The following MITF variants were observed in gnomAD, a reference collection of about 807,000 sequenced individuals.
The protein encoded by MITF is microphthalmia-associated transcription factor.
In MITF, 17 loss-of-function variants were observed where a neutral mutation model predicts 60.5. The ratio of observed to expected loss-of-function variants is 0.28; its 90% CI spans 0.19 to 0.42. The LOEUF (loss-of-function observed/expected upper bound fraction) is 0.42, where lower values mean the gene tolerates loss of function less well. Among genes scored for constraint, MITF ranks in the 10% least tolerant of loss-of-function variants. MITF has a pLI of 1.00. For synonymous variants in MITF, 260 were observed against 248.5 expected (o/e 1.05, Z -0.43); for missense variants, 622 against 683.5 (o/e 0.91, Z 1.00).
chr3:69,832,829 T>G (rs189147277), intron 1 of MITF, among the ~76,000 whole-genome samples: 1 of 152,262 alleles, frequency 6.6e-6, no homozygotes, highest in Non-Finnish European at 1.5e-5. Flanking sequence ...TGTAATTGTT[T>G]CCTTATGTGC....
At chr3:69,956,415 C>T in intron 7 of MITF, 40 bp from the exon 8 acceptor site, 1 of 1,485,160 alleles carries the variant, frequency 6.7e-7, no homozygotes. Context: ...GCATACATGG[C>T]ACTGTTACTA....
At chr3:69,781,938 C>G (rs1222620000) in intron 1 of MITF, among the ~76,000 whole-genome samples, 2 of 152,192 alleles carry the variant, frequency 1.3e-5, no homozygotes, top group Admixed American at 1.3e-4. Flanking sequence ...AATAGATTGC[C>G]TGTCTCGTTG....
At chr3:69,911,896 C>T (rs1330305461) in intron 2 of MITF, among the ~76,000 whole-genome samples, 1 of 152,116 alleles carries the variant, frequency 6.6e-6, no homozygotes, top group Non-Finnish European at 1.5e-5. Flanking sequence ...TGCAACCTAC[C>T]ATTTAATGAT....
chr3:69,966,005 A>C lies in MITF; in HGVS notation c.*757A>C, dbSNP rs1232606770. ...TTTTTCATAAGATATTTTATTTTGAAATGGAAATTAATGTCCTCTCAAAGT... is the reference window on the plus strand; with the variant it reads ...TTTTTCATAAGATATTTTATTTTGACATGGAAATTAATGTCCTCTCAAAGT... On this transcript the variant is annotated 3_prime_UTR_variant, in exon 10 of 10. Coordinates refer to ENST00000352241, the MANE Select transcript of MITF (RefSeq NM_001354604.2). The C allele has an allele frequency of 8.6e-6, 2 of 232,080 alleles. No homozygotes were observed. The highest frequency in any genetic ancestry group is 2.2e-5 in the African/African-American group (1 of 45,302). 14.4% of individuals were successfully genotyped at this position (232,080 alleles called of 1,614,324 possible). A position where few individuals can be genotyped will look rare whatever the true frequency, so the allele number is the denominator to read the frequency against.
At chr3:69,922,661 T>C (rs913651680) in intron 2 of MITF, among the ~76,000 whole-genome samples, 3 of 152,246 alleles carry the variant, frequency 2.0e-5, no homozygotes, top group Non-Finnish European at 4.4e-5. Flanking sequence ...ACTTCAGTGA[T>C]ACAGTGGCCT....
intron 1 of MITF, among the ~76,000 whole-genome samples, chr3:69,806,738 C>T (rs2063015749): frequency 1.3e-5 from 2 of 152,146 alleles, no homozygotes; most frequent in Non-Finnish European, 2.9e-5. Context: ...CAGTGCTATC[C>T]ACTAAGGGGT....
intron 1 of MITF, among the ~76,000 whole-genome samples, chr3:69,767,936 G>T (rs1354435087): frequency 6.6e-6 from 1 of 152,202 alleles, no homozygotes; most frequent in Admixed American, 6.5e-5. Flanking sequence ...CCTTGTTAAA[G>T]ATTTCAAGGA....
intron 1 of MITF, among the ~76,000 whole-genome samples, chr3:69,872,348 TCTG>T (rs1237798084): frequency 3.3e-5 from 5 of 152,102 alleles, no homozygotes; most frequent in Non-Finnish European, 7.4e-5. Context: ...TTAAAAAAAA[TCTG>T]CTGATGAAAA....
intron 2 of MITF, among the ~76,000 whole-genome samples, chr3:69,896,362 A>G (rs1367227103): frequency 6.6e-6 from 1 of 152,220 alleles, no homozygotes; most frequent in African/African-American, 2.4e-5. Flanking sequence ...GTGCTAACAC[A>G]GGACATTCAT....
chr3:69,967,045 C>A lies in MITF; in HGVS notation c.*1797C>A. ...ACTTCTTTCATCAGGAAACCTTATT[C>A]AGGAGGGTTTTTAAAAAGTGTTTAA... On this transcript the variant is annotated 3_prime_UTR_variant, in exon 10 of 10. Transcript: ENST00000352241. The A allele has an allele frequency of 4.3e-6, 1 of 232,172 alleles. No individual in the cohort carries two copies. The highest frequency in any genetic ancestry group is 8.5e-6 in the Non-Finnish European group (1 of 117,186). 14.4% of individuals were successfully genotyped at this position (232,172 alleles called of 1,614,324 possible). A position where few individuals can be genotyped will look rare whatever the true frequency, so the allele number is the denominator to read the frequency against.
At chr3:69,867,240 T>C (rs756586434) in intron 1 of MITF, among the ~76,000 whole-genome samples, 46 of 152,136 alleles carry the variant, frequency 3.0e-4, no homozygotes, top group Non-Finnish European at 6.3e-4. Flanking sequence ...GGCATTATGT[T>C]CAGCAGCTTG....
chr3:69,752,566 T>C (rs1052894551), intron 1 of MITF, among the ~76,000 whole-genome samples: 3 of 152,194 alleles, frequency 2.0e-5, no homozygotes, highest in African/African-American at 4.8e-5. Context: ...TTAGGGTAAC[T>C]GGCAGAAGAA....
At chr3:69,911,305 A>G (rs969334341) in intron 2 of MITF, among the ~76,000 whole-genome samples, 3 of 152,158 alleles carry the variant, frequency 2.0e-5, no homozygotes, top group Non-Finnish European at 4.4e-5. Flanking sequence ...TATCAGCAGC[A>G]TGAAAACGGA....
At chr3:69,805,853 AT>A (rs1165380586) in intron 1 of MITF, among the ~76,000 whole-genome samples, 1 of 151,838 alleles carries the variant, frequency 6.6e-6, no homozygotes, top group African/African-American at 2.4e-5. Context: ...TGGAGACAAG[AT>A]CTTTCTATGT....
intron 1 of MITF, among the ~76,000 whole-genome samples, chr3:69,862,662 T>G (rs1362968722): frequency 1.3e-5 from 2 of 152,208 alleles, no homozygotes; most frequent in African/African-American, 4.8e-5. Context: ...GATTGAATTT[T>G]TCCTTCCAAA....
chr3:69,938,108 T>A, intron 3 of MITF, 59 bp downstream of exon 3: 2 of 1,540,546 alleles, frequency 1.3e-6, no homozygotes, highest in South Asian at 2.3e-5. Flanking sequence ...GTCTGTTGAA[T>A]ATGATTCCCA....
chr3:69,965,245 T>G lies in MITF; in HGVS notation c.1578T>G (p.Cys526Trp). 6.2e-7 allele frequency: 1 copy of G among 1,613,810 alleles called. No individual in the cohort carries two copies. The highest frequency in any genetic ancestry group is 8.5e-7 in the Non-Finnish European group (1 of 1,179,764). The change falls in exon 10 of 10, where the codon TGT (cysteine) becomes TGG (tryptophan). Residue 526 changes from cysteine to tryptophan, a missense_variant. Transcript: ENST00000352241. ...SMSMEETEHT[C>W] ...GCATGGAAGAGACGGAGCACACTTG[T>G]TAGCGAATCCTCCCTGCACTGCATT...
chr3:69,796,494 C>CTTTTTTT lies in MITF; in HGVS notation c.104+56810_104+56816dup, dbSNP rs767834091. Among the ~76,000 whole-genome samples the CTTTTTTT allele has an allele frequency of 6.2e-4, 50 of 80,298 alleles. 1 individual carries two copies. The highest frequency in any genetic ancestry group is 7.3e-4 in the South Asian group (2 of 2,724). 52.7% of individuals were successfully genotyped at this position (80,298 alleles called of 152,430 possible). A position where few individuals can be genotyped will look rare whatever the true frequency, so the allele number is the denominator to read the frequency against. Reference sequence around the variant, plus strand: ...TGTGAAGCTTACAAACACCGTCTTTCTTTTTTTTTTTTTTTTTTTTTTTGA... The same window carrying CTTTTTTT: ...TGTGAAGCTTACAAACACCGTCTTTCTTTTTTTTTTTTTTTTTTTTTTTTTTTTTTGA... On this transcript the variant is annotated intron_variant, in intron 1 of 9. Coordinates refer to ENST00000352241, the MANE Select transcript of MITF (RefSeq NM_001354604.2).
chr3:69,856,315 T>C (rs1156475737), intron 1 of MITF, among the ~76,000 whole-genome samples: 5 of 152,168 alleles, frequency 3.3e-5, no homozygotes, highest in African/African-American at 4.8e-5. Flanking sequence ...AATGTTATCA[T>C]ACATGGAAGC....
Sources: allele counts gnomAD v4.1 joint callset (sites outside exome capture counted in the v4.1 genomes callset), GRCh38; gene constraint gnomAD v4.1.1; transcripts MANE v1.5; gene names NCBI Gene and HGNC (gene_info 2026-07-23, HGNC 2026-07-21).